The following CCNYL1 variants were observed in gnomAD, a reference collection of about 807,000 sequenced individuals.
CCNYL1 encodes the protein cyclin-Y-like protein 1.
A neutral mutation model predicts 44.2 loss-of-function variants in CCNYL1; 16 were observed. The observed-to-expected ratio is 0.36, with a 90% CI of 0.25 to 0.55. The LOEUF (loss-of-function observed/expected upper bound fraction) is 0.55. Among genes scored for constraint, CCNYL1 ranks in the 20% least tolerant of loss-of-function variants. The pLI is 0.85. For missense variants in CCNYL1, 348 were observed against 451.8 expected (o/e 0.77, Z 2.08); for synonymous variants, 159 against 163.2 (o/e 0.97, Z 0.20).
At chr2:207,729,279 C>G (rs1477844474) in intron 3 of CCNYL1, among the ~76,000 whole-genome samples, 1 of 111,430 alleles carries the variant, frequency 9.0e-6, no homozygotes, top group Non-Finnish European at 1.7e-5. Flanking sequence ...CCACCCCCCC[C>G]ACCCCCCCGC....
intron 6 of CCNYL1, among the ~76,000 whole-genome samples, chr2:207,741,845 CA>C (rs556032064): frequency 0.04 from 4,482 of 112,294 alleles, 168 homozygotes; most frequent in African/African-American, 0.12. Context: ...GACTGGGTCT[CA>C]AAAAAAAAAA....
intron 3 of CCNYL1, among the ~76,000 whole-genome samples, chr2:207,729,694 C>T (rs887602859): frequency 1.3e-5 from 2 of 151,860 alleles, no homozygotes; most frequent in African/African-American, 2.4e-5. Context: ...TTTCCTTTCT[C>T]CTGTCCTATC....
intron 3 of CCNYL1, among the ~76,000 whole-genome samples, chr2:207,730,267 C>T (rs927330466): frequency 2.0e-5 from 3 of 152,142 alleles, no homozygotes; most frequent in Non-Finnish European, 4.4e-5. Flanking sequence ...ATATTTTCAG[C>T]CGACCTTGCT....
chr2:207,745,311 C>T (rs2091846871), intron 7 of CCNYL1, among the ~76,000 whole-genome samples: 1 of 152,176 alleles, frequency 6.6e-6, no homozygotes, highest in African/African-American at 2.4e-5. Flanking sequence ...GGATCAACTG[C>T]ACTGATGGAG....
intron 9 of CCNYL1, among the ~76,000 whole-genome samples, chr2:207,751,971 G>GT (rs1177576961): frequency 6.6e-6 from 1 of 151,988 alleles, no homozygotes; most frequent in Non-Finnish European, 1.5e-5. Context: ...GGAGGCGGAG[G>GT]TTGCAGTGAG....
At position 207,755,492 on chromosome 2, in the gene CCNYL1, T is replaced by G. The variant is rs986221841; in HGVS notation, c.*1794T>G. Reference sequence around the variant, plus strand: ...CACTGAACTTTTGGAATACCTTGTATCTCCATAAAATGCCCTCTTTTTAAA... The same window carrying G: ...CACTGAACTTTTGGAATACCTTGTAGCTCCATAAAATGCCCTCTTTTTAAA... On this transcript the variant is annotated 3_prime_UTR_variant, in exon 10 of 10. Transcript: ENST00000295414. 3 of 152,238 alleles carry G rather than the reference T, an allele frequency of 2.0e-5. No homozygotes were observed. Among genetic ancestry groups the G allele is most frequent in the African/African-American group, 7.2e-5 (3 of 41,466 alleles). 9.4% of individuals were successfully genotyped at this position (152,238 alleles called of 1,614,324 possible).
At chr2:207,726,979 G>GCC in intron 3 of CCNYL1, 103 bp downstream of exon 3, 2 of 680,600 alleles carry the variant, frequency 2.9e-6, no homozygotes, top group Non-Finnish European at 4.6e-6. Flanking sequence ...GTTAGTATGA[G>GCC]CCTCTTTTTG....
At chr2:207,727,228 TAAC>T (rs1333262456) in intron 3 of CCNYL1, among the ~76,000 whole-genome samples, 1 of 152,204 alleles carries the variant, frequency 6.6e-6, no homozygotes, top group Admixed American at 6.5e-5. Flanking sequence ...CTTCCTGTCA[TAAC>T]AAGTGAAAAC....
At chr2:207,728,995 T>C (rs1266949396) in intron 3 of CCNYL1, among the ~76,000 whole-genome samples, 1 of 151,934 alleles carries the variant, frequency 6.6e-6, no homozygotes, top group Non-Finnish European at 1.5e-5. Flanking sequence ...GAAGGGATTT[T>C]ACCATGTTGG....
chr2:207,750,806 A>T (rs1429427276), intron 8 of CCNYL1, 151 bp from the exon 9 acceptor site: 5 of 639,242 alleles, frequency 7.8e-6, no homozygotes, highest in Non-Finnish European at 1.3e-5. Context: ...ACTGTACCTT[A>T]TGTGAACATT....
intron 1 of CCNYL1, among the ~76,000 whole-genome samples, chr2:207,719,786 T>A (rs1286204727): frequency 6.6e-6 from 1 of 151,988 alleles, no homozygotes; most frequent in Non-Finnish European, 1.5e-5. Context: ...TGGAGTGCAG[T>A]GGTGTGATCA....
chr2:207,749,431 G>C (rs190229623), intron 8 of CCNYL1, among the ~76,000 whole-genome samples: 7 of 152,198 alleles, frequency 4.6e-5, no homozygotes, highest in Non-Finnish European at 8.8e-5. Context: ...GTTAAACTGA[G>C]CAGCTGCTAT....
At position 207,712,209 on chromosome 2, in the gene CCNYL1, C is replaced by G. The variant is rs1379887929; in HGVS notation, c.220+93C>G. 4 of 1,088,314 alleles carry G rather than the reference C, an allele frequency of 3.7e-6. No individual in the cohort carries two copies. The African/African-American group carries it at 6.7e-5, about 18-fold the overall frequency. The allele number at this position is 1,088,314 out of a possible 1,614,324, so 67.4% of individuals were successfully genotyped here. A position where few individuals can be genotyped will look rare whatever the true frequency, so the allele number is the denominator to read the frequency against. On this transcript the variant is annotated intron_variant, in intron 1 of 9. Transcript: ENST00000295414. ...CGGGAGGCATCCGCCGCCTCGGGCT[C>G]CTTCCTGCCGGTAGCCGGCCCCGGG...
At position 207,713,172 on chromosome 2, in the gene CCNYL1, G is replaced by A. The variant is rs148943712; in HGVS notation, c.220+1056G>A. 5.2e-3 allele frequency among the ~76,000 whole-genome samples: 787 copies of A among 152,300 alleles called. 7 individuals are homozygous for A. Among genetic ancestry groups the A allele is most frequent in the African/African-American group, 0.018 (733 of 41,556 alleles). On this transcript the variant is annotated intron_variant, in intron 1 of 9. Transcript: ENST00000295414. ...CTGATTACTTTAAAATTCCCACGGTGGCAAATACATCTCCAGCCATTCTCC... is the reference window on the plus strand; with the variant it reads ...CTGATTACTTTAAAATTCCCACGGTAGCAAATACATCTCCAGCCATTCTCC...
intron 3 of CCNYL1, among the ~76,000 whole-genome samples, chr2:207,731,806 CTTTTT>C (rs58231431): frequency 1.5e-4 from 13 of 84,698 alleles, no homozygotes; most frequent in Non-Finnish European, 2.3e-4. Context: ...GAGGTTTCTT[CTTTTT>C]TTTTTTTTTT....
intron 7 of CCNYL1, among the ~76,000 whole-genome samples, chr2:207,744,493 G>A (rs1239624740): frequency 2.6e-5 from 4 of 151,476 alleles, no homozygotes; most frequent in Admixed American, 6.6e-5. Context: ...TCAGCCTCCC[G>A]AGTACCTGGG....
intron 6 of CCNYL1, among the ~76,000 whole-genome samples, chr2:207,741,831 G>A (rs1347607924): frequency 7.2e-6 from 1 of 139,652 alleles, no homozygotes; most frequent in Non-Finnish European, 1.5e-5. Context: ...GGGCGACAGA[G>A]CAAGACTGGG....
At chr2:207,749,440 A>G (rs1371229328) in intron 8 of CCNYL1, among the ~76,000 whole-genome samples, 1 of 152,206 alleles carries the variant, frequency 6.6e-6, no homozygotes, top group Non-Finnish European at 1.5e-5. Context: ...AGCAGCTGCT[A>G]TTCAGACGGT....
chr2:207,733,892 A>C, intron 3 of CCNYL1, 55 bp from the exon 4 acceptor site: 1 of 1,141,768 alleles, frequency 8.8e-7, no homozygotes, highest in Non-Finnish European at 1.3e-6. Context: ...GAAAAACCAC[A>C]CTTTTATAGG....
Sources: gnomAD v4.1 joint callset for allele counts (sites outside exome capture counted in the v4.1 genomes callset) on GRCh38, gnomAD v4.1.1 for gene constraint, MANE v1.5 for transcripts, NCBI Gene and HGNC (gene_info 2026-07-23, HGNC 2026-07-21) for gene names.